WDR41: variants seen among roughly 807,000 people sequenced by gnomAD.
The protein encoded by WDR41 is WD repeat-containing protein 41.
Under a neutral mutation model 69.3 loss-of-function variants are expected in WDR41, and 63 were observed. The ratio of observed to expected loss-of-function variants is 0.91; its 90% CI spans 0.74 to 1.12. The LOEUF (loss-of-function observed/expected upper bound fraction) is 1.12, where lower values mean the gene tolerates loss of function less well. WDR41 is among the 50% of genes most tolerant of loss of function. WDR41 has a pLI of 0.00. For synonymous variants in WDR41, 185 were observed against 192.1 expected, an observed-to-expected ratio of 0.96 and a Z score of 0.31; for missense variants, 543 against 534.5, an observed-to-expected ratio of 1.02 and a Z score of -0.16.
At chr5:77,479,391 C>T (rs1192266103) in intron 2 of WDR41, among the ~76,000 whole-genome samples, 1 of 152,120 alleles carries the variant, frequency 6.6e-6, no homozygotes, top group Admixed American at 6.5e-5. Context: ...AAGAGCAAAG[C>T]TGGAGGCATC....
chr5:77,458,942 A>C (rs1450892335), intron 5 of WDR41, 120 bp downstream of exon 5: 1 of 664,606 alleles, frequency 1.5e-6, no homozygotes, highest in East Asian at 2.7e-5. Flanking sequence ...AATGACTACA[A>C]GTGTGTGGAA....
intron 2 of WDR41, among the ~76,000 whole-genome samples, chr5:77,471,859 G>A (rs961330537): frequency 1.3e-5 from 2 of 152,128 alleles, no homozygotes; most frequent in Admixed American, 6.5e-5. Flanking sequence ...ACAAGGAGAA[G>A]CTGGTACCAT....
chr5:77,497,628 A>G (rs531150332), intron 1 of WDR41, among the ~76,000 whole-genome samples: 28 of 152,288 alleles, frequency 1.8e-4, no homozygotes, highest in African/African-American at 6.5e-4. Flanking sequence ...GAGAAATTGG[A>G]GTCCTTGTGC....
chr5:77,575,645 C>T (rs1034614633), intron 1 of WDR41, among the ~76,000 whole-genome samples: 3 of 152,054 alleles, frequency 2.0e-5, no homozygotes, highest in Non-Finnish European at 2.9e-5. Flanking sequence ...GAGAGGAGTC[C>T]GTGATACTAA....
intron 4 of WDR41, among the ~76,000 whole-genome samples, chr5:77,461,640 A>C (rs1286036162): frequency 6.6e-6 from 1 of 152,196 alleles, no homozygotes; most frequent in Non-Finnish European, 1.5e-5. Flanking sequence ...GTTCGAGGCC[A>C]GCCTGGCCAA....
At chr5:77,612,629 T>C (rs1312435660) in intron 1 of WDR41, among the ~76,000 whole-genome samples, 1 of 152,224 alleles carries the variant, frequency 6.6e-6, no homozygotes, top group South Asian at 2.1e-4. Context: ...AATTAGGTAT[T>C]GATGGGACAT....
chr5:77,442,210 A>G (rs1385542728), intron 8 of WDR41, among the ~76,000 whole-genome samples: 1 of 152,258 alleles, frequency 6.6e-6, no homozygotes, highest in Non-Finnish European at 1.5e-5. Flanking sequence ...AAGGAAATAC[A>G]TAAATGTACA....
At chr5:77,540,436 TA>T (rs1479147474) in intron 1 of WDR41, 1 of 152,358 alleles carries the variant, frequency 6.6e-6, no homozygotes, top group African/African-American at 2.4e-5. Context: ...AACATACTGC[TA>T]AGAGCTAATG....
In WDR41 at chr5:77,464,960, A is replaced by T. The variant is rs564410593; in HGVS notation, c.168-151T>A. On this transcript the variant is annotated intron_variant, in intron 2 of 12. Coordinates refer to ENST00000296679, the MANE Select transcript of WDR41 (RefSeq NM_018268.4). ...AATTTAAAAAATATTTATGAAACAC[A>T]TTCCAGCTTCTGTACCAGGTATGGA... The T allele has an allele frequency of 1.2e-4, 91 of 762,318 alleles. 1 individual carries two copies. The highest frequency in any genetic ancestry group is 1.1e-3 in the South Asian group (57 of 51,848). 47.2% of individuals were successfully genotyped at this position (762,318 alleles called of 1,614,324 possible).
chr5:77,608,866 G>A (rs1744481369), intron 1 of WDR41, among the ~76,000 whole-genome samples: 1 of 152,254 alleles, frequency 6.6e-6, no homozygotes, highest in African/African-American at 2.4e-5. Context: ...CCTCACTCGG[G>A]AAGCACAAGG....
At chr5:77,517,631 C>CGTATATATATATATATATATATAT (rs1279821785) in intron 1 of WDR41, among the ~76,000 whole-genome samples, 6 of 141,132 alleles carry the variant, frequency 4.3e-5, no homozygotes, top group African/African-American at 1.6e-4. Flanking sequence ...ATTTATTGAA[C>CGTATATATATATATATATATATAT]ATATATATAT....
intron 1 of WDR41, among the ~76,000 whole-genome samples, chr5:77,490,350 G>T (rs182472986): frequency 6.6e-6 from 1 of 152,100 alleles, no homozygotes; most frequent in Non-Finnish European, 1.5e-5. Context: ...GATGCCAATA[G>T]AACTGCCCCT....
At chr5:77,496,246 T>G (rs1007931974), upstream of WDR41, among the ~76,000 whole-genome samples, 3 of 152,058 alleles carry the variant, frequency 2.0e-5, no homozygotes, top group African/African-American at 7.2e-5. Context: ...TCTTCAACAC[T>G]GTATTGGAAG....
chr5:77,520,612 T>A lies in WDR41; in HGVS notation c.43-31040A>T, dbSNP rs556097580. ...TATCCTCGTAAAATTGAGCCTTGCT[T>A]GACATTCTCCCTGCAAACTCCTCCT... On this transcript the variant is annotated intron_variant, in intron 1 of 5. Transcript: ENST00000509971. 9.2e-5 allele frequency among the ~76,000 whole-genome samples: 14 copies of A among 152,250 alleles called. No homozygotes were observed. In the East Asian group the frequency reaches 2.5e-3, roughly 27 times the overall value.
At chr5:77,524,596 T>A (rs911397637) in intron 1 of WDR41, among the ~76,000 whole-genome samples, 1 of 138,210 alleles carries the variant, frequency 7.2e-6, no homozygotes, top group Non-Finnish European at 1.5e-5. Context: ...TGTCTCCAAA[T>A]AAATAGATAA....
In WDR41 at chr5:77,430,958, A is replaced by G. The variant is rs1231572109; in HGVS notation, c.*2177T>C. The G allele has an allele frequency of 6.6e-6, 1 of 152,142 alleles. No homozygotes were observed. The highest frequency in any genetic ancestry group is 1.5e-5 in the Non-Finnish European group (1 of 68,016). 9.4% of individuals were successfully genotyped at this position (152,142 alleles called of 1,614,324 possible). On this transcript the variant is annotated 3_prime_UTR_variant, in exon 13 of 13. Coordinates refer to ENST00000296679, the MANE Select transcript of WDR41 (RefSeq NM_018268.4). ...TGAATTGCTGTAATCTCATGATCAA[A>G]CTTTAATAGATGAGAAGTTGCTTAA...
chr5:77,610,529 C>A (rs1445690424), intron 1 of WDR41, among the ~76,000 whole-genome samples: 7 of 151,068 alleles, frequency 4.6e-5, no homozygotes, highest in South Asian at 2.1e-4. Context: ...GAATTTTCAA[C>A]CCAGAATTTC....
At chr5:77,536,205 TCTC>T (rs1742979645) in intron 1 of WDR41, among the ~76,000 whole-genome samples, 1 of 152,034 alleles carries the variant, frequency 6.6e-6, no homozygotes, top group African/African-American at 2.4e-5. Flanking sequence ...CCCCTGCAAG[TCTC>T]CTGATGATTA....
At chr5:77,601,248 G>A (rs1277905310) in intron 1 of WDR41, among the ~76,000 whole-genome samples, 1 of 152,124 alleles carries the variant, frequency 6.6e-6, no homozygotes, top group Admixed American at 6.5e-5. Context: ...AAATTTTAGA[G>A]TAAAAACTTG....
Sources: gnomAD v4.1 joint callset for allele counts (sites outside exome capture counted in the v4.1 genomes callset) on GRCh38, gnomAD v4.1.1 for gene constraint, MANE v1.5 for transcripts, NCBI Gene and HGNC (gene_info 2026-07-23, HGNC 2026-07-21) for gene names.